Variants in MLLT3 observed in about 807,000 individuals in gnomAD.
MLLT3 encodes the protein protein AF-9.
In MLLT3, 4 loss-of-function variants were observed where a neutral mutation model predicts 53.2. The observed-to-expected ratio is 0.08, with a 90% confidence interval of 0.04 to 0.17. The LOEUF (loss-of-function observed/expected upper bound fraction) is 0.17, where lower values mean the gene tolerates loss of function less well. Among genes scored for constraint, MLLT3 ranks in the 10% least tolerant of loss-of-function variants. The pLI is 1.00. For missense variants in MLLT3, 569 were observed against 684.0 expected (o/e 0.83, Z 1.87); for synonymous variants, 283 against 230.6 (o/e 1.23, Z -2.06).
intron 2 of MLLT3, among the ~76,000 whole-genome samples, chr9:20,516,982 A>C (rs1817933541): frequency 6.6e-6 from 1 of 152,198 alleles, no homozygotes; most frequent in African/African-American, 2.4e-5. Context: ...TAAATGTTTT[A>C]CTTTATTAAT....
At chr9:20,539,920 T>C (rs1369092678) in intron 2 of MLLT3, among the ~76,000 whole-genome samples, 2 of 152,138 alleles carry the variant, frequency 1.3e-5, no homozygotes, top group African/African-American at 4.8e-5. Flanking sequence ...CAAAAACAAA[T>C]TAGTTACTTC....
intron 5 of MLLT3, among the ~76,000 whole-genome samples, chr9:20,380,765 T>TA (rs1821890148): frequency 6.6e-6 from 1 of 152,068 alleles, no homozygotes; most frequent in Non-Finnish European, 1.5e-5. Context: ...GATTGGTTTT[T>TA]ATCTTAGGAA....
At position 20,486,321 on chromosome 9, in the gene MLLT3, A is replaced by C. The variant is rs184540545; in HGVS notation, c.194-29535T>G. ...AGGGCCCCATTTATAAAAGCAGCAAAAACTCAATGAACTCAAGAAACACAG... is the reference window on the plus strand; with the variant it reads ...AGGGCCCCATTTATAAAAGCAGCAACAACTCAATGAACTCAAGAAACACAG... On this transcript the variant is annotated intron_variant, in intron 2 of 10. Coordinates refer to ENST00000380338, the MANE Select transcript of MLLT3 (RefSeq NM_004529.4). Among the ~76,000 whole-genome samples the C allele has an allele frequency of 2.2e-3, 329 of 152,264 alleles. 3 individuals are homozygous for C. Among genetic ancestry groups the C allele is most frequent in the Middle Eastern group, 0.021 (6 of 292 alleles).
chr9:20,359,145 C>CGA (rs1305918002), intron 8 of MLLT3, among the ~76,000 whole-genome samples: 5 of 20,964 alleles, frequency 2.4e-4, no homozygotes, highest in African/African-American at 7.9e-4. Context: ...AACTCCATCT[C>CGA]AAAAAAAAAA....
chr9:20,360,814 A>G lies in MLLT3; in HGVS notation c.1359T>C (p.Ser453=), dbSNP rs1391830698. ...RRVSLSDGSD[S]ESSSASSPLH... ...GGGGTGAAGAAGCAGAACTGCTTTC[A>G]CTATCGCTGCCATCACTTAAGCTAA... is the stretch of plus-strand genomic sequence containing the variant. Residue 453 remains serine (S), a synonymous_variant, in exon 8 of 11, where the codon AGT becomes AGC. Transcript: ENST00000380338. The G allele has an allele frequency of 8.7e-6, 14 of 1,613,986 alleles. No individual in the cohort carries two copies. In the South Asian group the frequency reaches 1.4e-4, roughly 16 times the overall value.
rs184100807 is a variant in MLLT3, at chr9:20,541,131, C to T, written c.193+79523G>A. 3.1e-3 allele frequency among the ~76,000 whole-genome samples: 474 copies of T among 152,312 alleles called. 5 individuals carry two copies. The highest frequency in any genetic ancestry group is 3.4e-3 in the Middle Eastern group (1 of 294). ...CCTTTACTCCAGTTCCCAATAAGTT[C>T]CTCTTCTCCATCTGAGACCACCTGT... On this transcript the variant is annotated intron_variant, in intron 2 of 10. Coordinates refer to ENST00000380338, the MANE Select transcript of MLLT3 (RefSeq NM_004529.4).
intron 2 of MLLT3, among the ~76,000 whole-genome samples, chr9:20,501,312 A>G (rs1825218896): frequency 6.6e-6 from 1 of 152,208 alleles, no homozygotes; most frequent in Non-Finnish European, 1.5e-5. Flanking sequence ...GCCTTCTGCT[A>G]TGTGTGAGGT....
chr9:20,349,125 C>T (rs890327019), intron 10 of MLLT3, among the ~76,000 whole-genome samples: 2 of 152,156 alleles, frequency 1.3e-5, no homozygotes, highest in Admixed American at 6.5e-5. Flanking sequence ...AGGTAATTGA[C>T]AAAGCATTCA....
intron 2 of MLLT3, among the ~76,000 whole-genome samples, chr9:20,510,215 C>A (rs1825497122): frequency 6.6e-6 from 1 of 151,798 alleles, no homozygotes; most frequent in African/African-American, 2.4e-5. Context: ...CAAAAAGAAT[C>A]CAAGAAGGAA....
At chr9:20,350,850 G>C (rs1438698501) in intron 10 of MLLT3, among the ~76,000 whole-genome samples, 1 of 152,118 alleles carries the variant, frequency 6.6e-6, no homozygotes, top group Non-Finnish European at 1.5e-5. Flanking sequence ...AAAGGTAAAT[G>C]CATTGATTTT....
chr9:20,596,030 G>A (rs920843830), intron 2 of MLLT3, among the ~76,000 whole-genome samples: 4 of 152,116 alleles, frequency 2.6e-5, no homozygotes, highest in East Asian at 3.8e-4. Context: ...AGACAGTACT[G>A]CTGCAGGGTA....
chr9:20,525,294 T>G (rs1423234560), intron 2 of MLLT3, among the ~76,000 whole-genome samples: 1 of 152,060 alleles, frequency 6.6e-6, no homozygotes, highest in East Asian at 1.9e-4. Flanking sequence ...GTCAGGAGTT[T>G]GAGACCAGTC....
intron 8 of MLLT3, among the ~76,000 whole-genome samples, chr9:20,359,365 A>G (rs1821260652): frequency 1.3e-5 from 2 of 152,110 alleles, no homozygotes; most frequent in Non-Finnish European, 2.9e-5. Context: ...ACCAGAGGTA[A>G]AAGACGGCTG....
chr9:20,545,134 CATT>C (rs1818753420), intron 2 of MLLT3, among the ~76,000 whole-genome samples: 1 of 140,168 alleles, frequency 7.1e-6, no homozygotes, highest in South Asian at 2.3e-4. Context: ...GCAGCAGCAG[CATT>C]ATTGACAATA....
intron 4 of MLLT3, among the ~76,000 whole-genome samples, chr9:20,445,574 T>C (rs1823673610): frequency 6.6e-6 from 1 of 152,174 alleles, no homozygotes; most frequent in Non-Finnish European, 1.5e-5. Flanking sequence ...TTTTCCAAGA[T>C]GCTCCCAGCT....
At chr9:20,613,435 C>G (rs1296399514) in intron 2 of MLLT3, among the ~76,000 whole-genome samples, 1 of 152,110 alleles carries the variant, frequency 6.6e-6, no homozygotes, top group Non-Finnish European at 1.5e-5. Flanking sequence ...GAAGAAAAGG[C>G]TGGGAAGCAT....
intron 2 of MLLT3, among the ~76,000 whole-genome samples, chr9:20,500,506 T>A (rs1221473784): frequency 2.6e-5 from 4 of 152,048 alleles, no homozygotes; most frequent in African/African-American, 9.7e-5. Flanking sequence ...AGTAGCAAAA[T>A]CAACTGTGAG....
At position 20,413,777 on chromosome 9, in the gene MLLT3, C is replaced by G; in HGVS notation, c.1069G>C (p.Asp357His). ...TCTGAATCATTGGGATCCACAATAT[C>G]ATCAAATGGCGGTAACGTTGATTTC... ...KKKSTLPPFDDIVDPNDSDVE... is the reference protein window; with the variant it reads ...KKKSTLPPFDHIVDPNDSDVE... Residue 357 changes from aspartate to histidine, a missense_variant, in exon 5 of 11, where the codon GAT becomes CAT. By Grantham distance (81) the Asp-to-His change is moderately conservative. Transcript: ENST00000380338. The G allele has an allele frequency of 6.2e-7, 1 of 1,613,538 alleles. No homozygotes were observed. The highest frequency in any genetic ancestry group is 8.5e-7 in the Non-Finnish European group (1 of 1,179,802).
chr9:20,549,202 C>T (rs1229782942), intron 2 of MLLT3, among the ~76,000 whole-genome samples: 1 of 152,156 alleles, frequency 6.6e-6, no homozygotes, highest in Non-Finnish European at 1.5e-5. Context: ...CCACTCAAAT[C>T]ACTGATTAAA....
Sources: allele counts gnomAD v4.1 joint callset (sites outside exome capture counted in the v4.1 genomes callset), GRCh38; gene constraint gnomAD v4.1.1; transcripts MANE v1.5; gene names NCBI Gene and HGNC (gene_info 2026-07-23, HGNC 2026-07-21).